Variants in PLGRKT observed in about 807,000 individuals in gnomAD.
The protein encoded by PLGRKT is plasminogen receptor (KT).
PLGRKT carries 22 observed loss-of-function variants against 18.5 expected under a neutral mutation model. That is an observed-to-expected ratio of 1.19 (90% confidence interval 0.85 to 1.70). The LOEUF (loss-of-function observed/expected upper bound fraction) is 1.70, where lower values mean the gene tolerates loss of function less well. Among genes scored for constraint, PLGRKT ranks in the 40% most tolerant of loss-of-function variants. PLGRKT has a pLI of 0.00. For missense variants in PLGRKT, 235 were observed against 174.4 expected (o/e 1.35, Z -1.96); for synonymous variants, 72 against 52.8 (o/e 1.36, Z -1.58).
At chr9:5,424,700 G>T (rs61272166) in intron 3 of PLGRKT, among the ~76,000 whole-genome samples, 1,845 of 116,336 alleles carry the variant, frequency 0.016, 85 homozygotes, top group African/African-American at 0.069. Context: ...ATACACACAG[G>T]GGGGGGAGAG....
chr9:5,380,782 A>G (rs1371926100), intron 3 of PLGRKT, among the ~76,000 whole-genome samples: 1 of 152,254 alleles, frequency 6.6e-6, no homozygotes, highest in East Asian at 1.9e-4. Flanking sequence ...TACAAAATAA[A>G]TATTTTGGAT....
rs373115919 is a variant in PLGRKT at position 5,373,666 on chromosome 9, C to T, written c.82-11778G>A. ...AATAAAAATTAGCTGGGCATGGTGG[C>T]ACACACCTGTAGTCTTGGCTACTTG... On this transcript the variant is annotated intron_variant, in intron 3 of 5. Transcript: ENST00000223864. 1.7e-4 allele frequency among the ~76,000 whole-genome samples: 26 copies of T among 152,094 alleles called. No homozygotes were observed. The East Asian group carries it at 2.5e-3, about 15-fold the overall frequency.
intron 3 of PLGRKT, chr9:5,381,839 A>G (rs1376527899): frequency 1.0e-6 from 1 of 973,024 alleles, no homozygotes; most frequent in Non-Finnish European, 1.2e-6. Context: ...AGCAAAAACA[A>G]CAGACTAAAT....
chr9:5,361,045 G>T, intron 5 of PLGRKT, 33 bp downstream of exon 5: 5 of 1,076,172 alleles, frequency 4.6e-6, no homozygotes, highest in Non-Finnish European at 7.1e-6. Flanking sequence ...AAATAAATCA[G>T]CAAATAGAAA....
intron 3 of PLGRKT, among the ~76,000 whole-genome samples, chr9:5,362,715 G>A (rs776936825): frequency 6.6e-6 from 1 of 152,164 alleles, no homozygotes; most frequent in African/African-American, 2.4e-5. Flanking sequence ...ATGTGATTTA[G>A]TTTTCCCTCC....
At chr9:5,383,049 C>A (rs1817775815) in intron 3 of PLGRKT, among the ~76,000 whole-genome samples, 1 of 152,134 alleles carries the variant, frequency 6.6e-6, no homozygotes, top group African/African-American at 2.4e-5. Context: ...CACTTTAGAT[C>A]ACCCAAGTGG....
chr9:5,411,845 T>C (rs1285016613), intron 3 of PLGRKT, among the ~76,000 whole-genome samples: 1 of 152,226 alleles, frequency 6.6e-6, no homozygotes, highest in Non-Finnish European at 1.5e-5. Flanking sequence ...TGGAAAAACA[T>C]TTCCTATTCT....
chr9:5,435,669 G>T (rs1818946379), intron 2 of PLGRKT, among the ~76,000 whole-genome samples: 1 of 152,222 alleles, frequency 6.6e-6, no homozygotes, highest in Non-Finnish European at 1.5e-5. Flanking sequence ...AACTGGGTGG[G>T]TACAGAAGAC....
upstream of PLGRKT, among the ~76,000 whole-genome samples, chr9:5,438,193 AGAG>A (rs1818999922): frequency 6.6e-6 from 1 of 152,358 alleles, no homozygotes; most frequent in African/African-American, 2.4e-5. Context: ...ACGAGAAAGA[AGAG>A]AATTGACTGA....
At position 5,390,689 on chromosome 9, in the gene PLGRKT, C is replaced by T. The variant is rs929716105; in HGVS notation, c.82-28801G>A. ...ATGGCATTCCTCCAAACTGCAGCTT[C>T]CCCAATGTACCCAGTCACTCCTACC... On this transcript the variant is annotated intron_variant, in intron 3 of 5. Coordinates refer to ENST00000223864, the MANE Select transcript of PLGRKT (RefSeq NM_018465.4). Among the ~76,000 whole-genome samples the T allele has an allele frequency of 3.3e-5, 5 of 151,826 alleles. No individual in the cohort carries two copies. The South Asian group carries it at 1.0e-3, about 31-fold the overall frequency.
intron 3 of PLGRKT, among the ~76,000 whole-genome samples, chr9:5,389,805 G>C (rs1162264877): frequency 6.6e-6 from 1 of 151,888 alleles, no homozygotes; most frequent in Admixed American, 6.6e-5. Flanking sequence ...GCCATTATAA[G>C]GACAAAGTAG....
intron 3 of PLGRKT, among the ~76,000 whole-genome samples, chr9:5,383,328 C>T (rs1485528984): frequency 3.3e-5 from 5 of 152,280 alleles, no homozygotes; most frequent in African/African-American, 9.6e-5. Context: ...AACTAGCACA[C>T]TTGTTGAGGC....
At chr9:5,408,042 G>C (rs1451798251) in intron 3 of PLGRKT, among the ~76,000 whole-genome samples, 5 of 152,304 alleles carry the variant, frequency 3.3e-5, no homozygotes, top group East Asian at 1.9e-4. Flanking sequence ...AAGACATGTA[G>C]AAATTTTCTC....
chr9:5,368,226 A>C (rs989479541), intron 3 of PLGRKT, among the ~76,000 whole-genome samples: 3 of 152,246 alleles, frequency 2.0e-5, no homozygotes, highest in Admixed American at 1.3e-4. Flanking sequence ...CAATCCCATT[A>C]CTGGGTATAT....
intron 3 of PLGRKT, among the ~76,000 whole-genome samples, chr9:5,370,759 C>T (rs937805298): frequency 5.3e-5 from 8 of 152,068 alleles, no homozygotes; most frequent in Non-Finnish European, 1.0e-4. Context: ...AAAAGAAAAT[C>T]GATGTTTCAG....
intron 3 of PLGRKT, among the ~76,000 whole-genome samples, chr9:5,385,041 T>G (rs945043092): frequency 1.3e-5 from 2 of 151,624 alleles, no homozygotes; most frequent in South Asian, 2.1e-4. Flanking sequence ...CAGATGGAGG[T>G]GGGTGGGGCC....
At chr9:5,362,028 C>A (rs2236320) in intron 3 of PLGRKT, 140 bp from the exon 4 acceptor site, 180,503 of 789,014 alleles carry the variant, frequency 0.23, 21,734 homozygotes, top group South Asian at 0.3. Flanking sequence ...CAGACTTTGA[C>A]TAAAGTTCCT....
intron 3 of PLGRKT, among the ~76,000 whole-genome samples, chr9:5,369,414 G>A (rs569534712): frequency 5.3e-5 from 8 of 152,254 alleles, no homozygotes; most frequent in East Asian, 1.9e-4. Flanking sequence ...CAGTTAGAAC[G>A]GTGATCATTA....
At chr9:5,424,524 TATATTATTAACATATATGTTA>T (rs1818647533) in intron 3 of PLGRKT, among the ~76,000 whole-genome samples, 1 of 123,364 alleles carries the variant, frequency 8.1e-6, no homozygotes. Context: ...CATATAAATA[TATATTATTAACATATATGTTA>T]ATATGTTTAT....
Sources: allele counts gnomAD v4.1 joint callset (sites outside exome capture counted in the v4.1 genomes callset), GRCh38; gene constraint gnomAD v4.1.1; transcripts MANE v1.5; gene names NCBI Gene and HGNC (gene_info 2026-07-23, HGNC 2026-07-21).